The following EXOC2 variants were observed in gnomAD, a reference collection of about 807,000 sequenced individuals.
EXOC2 encodes SEC5-like 1.
Under a neutral mutation model 131.8 loss-of-function variants are expected in EXOC2, and 70 were observed. The ratio of observed to expected loss-of-function variants is 0.53; its 90% CI spans 0.44 to 0.65. The LOEUF is 0.65. EXOC2 is among the 30% of genes least tolerant of loss of function. EXOC2 has a pLI of 0.00. For synonymous variants in EXOC2, 411 were observed against 398.4 expected, an observed-to-expected ratio of 1.03 and a Z score of -0.38; for missense variants, 923 against 1,108.6, an observed-to-expected ratio of 0.83 and a Z score of 2.38.
rs531563336 is a variant in EXOC2, at chr6:494,988, C to G, written c.2559+2379G>C. On this transcript the variant is annotated intron_variant, in intron 25 of 27. Coordinates refer to ENST00000230449, the MANE Select transcript of EXOC2 (RefSeq NM_018303.6). ...TGACTTCCTGGGCTCAAGCAAGCCTCCCACCTTAGCCTCCCAAACAGCTGG... is the reference window on the plus strand; with the variant it reads ...TGACTTCCTGGGCTCAAGCAAGCCTGCCACCTTAGCCTCCCAAACAGCTGG... Among the ~76,000 whole-genome samples, 60 of 152,254 alleles carry G rather than the reference C, an allele frequency of 3.9e-4. 2 individuals carry two copies. The highest frequency in any genetic ancestry group is 3.1e-4 in the Non-Finnish European group (21 of 68,014).
chr6:531,789 C>T (rs1168367586), intron 23 of EXOC2, among the ~76,000 whole-genome samples: 1 of 152,250 alleles, frequency 6.6e-6, no homozygotes, highest in Non-Finnish European at 1.5e-5. Context: ...TAAACTACTT[C>T]TCTACAAAAG....
intron 19 of EXOC2, 45 bp from the exon 20 acceptor site, chr6:555,333 C>T: frequency 8.0e-7 from 1 of 1,246,792 alleles, no homozygotes. Context: ...GAATGAACTC[C>T]TAGACATTAA....
intron 1 of EXOC2, chr6:656,090 T>C (rs372073009): frequency 1.5e-5 from 23 of 1,556,424 alleles, no homozygotes; most frequent in Non-Finnish European, 1.9e-5. Context: ...AAAAAAAAAA[T>C]CTAAGCTGGC....
At chr6:544,594 T>G (rs1008003643) in intron 22 of EXOC2, among the ~76,000 whole-genome samples, 1 of 152,206 alleles carries the variant, frequency 6.6e-6, no homozygotes, top group African/African-American at 2.4e-5. Flanking sequence ...CACATATATA[T>G]AGAGATAATA....
At position 486,625 on chromosome 6, in the gene EXOC2, T is replaced by C; in HGVS notation, c.*46A>G. Reference sequence around the variant, plus strand: ...TTTAGGGTACTTAGAGAGTGAACAGTCTTATTACGTGTTATTTTCCTGGAC... The same window carrying C: ...TTTAGGGTACTTAGAGAGTGAACAGCCTTATTACGTGTTATTTTCCTGGAC... On this transcript the variant is annotated 3_prime_UTR_variant, in exon 28 of 28. Coordinates refer to ENST00000230449, the MANE Select transcript of EXOC2 (RefSeq NM_018303.6). 4.7e-6 allele frequency: 7 copies of C among 1,500,818 alleles called. No individual in the cohort carries two copies. The highest frequency in any genetic ancestry group is 6.5e-6 in the Non-Finnish European group (7 of 1,076,958). 93.0% of individuals were successfully genotyped at this position (1,500,818 alleles called of 1,614,324 possible).
At chr6:496,819 T>C (rs1763771068) in intron 25 of EXOC2, among the ~76,000 whole-genome samples, 1 of 152,224 alleles carries the variant, frequency 6.6e-6, no homozygotes, top group Admixed American at 6.5e-5. Flanking sequence ...GGCACTGCTT[T>C]TTGAAACTCA....
In EXOC2 at chr6:639,704, A is replaced by G. The variant is rs1171280337; in HGVS notation, c.-43-1843T>C. Among the ~76,000 whole-genome samples the G allele has an allele frequency of 2.0e-5, 3 of 152,170 alleles. No individual in the cohort carries two copies. In the East Asian group the frequency reaches 5.8e-4, roughly 29 times the overall value. On this transcript the variant is annotated intron_variant, in intron 1 of 27. Transcript: ENST00000230449. Reference sequence around the variant, plus strand: ...GCCACTCACTGTAAACTGCCCACACACAAACTCAATCAAATCAGCGGTTAA... The same window carrying G: ...GCCACTCACTGTAAACTGCCCACACGCAAACTCAATCAAATCAGCGGTTAA...
chr6:493,559 A>T (rs1278540511), intron 25 of EXOC2, among the ~76,000 whole-genome samples: 1 of 152,240 alleles, frequency 6.6e-6, no homozygotes, highest in African/African-American at 2.4e-5. Flanking sequence ...CAAAACTGTA[A>T]TCCAGAAAAC....
At chr6:591,918 C>A (rs1759562064) in intron 11 of EXOC2, among the ~76,000 whole-genome samples, 2 of 152,200 alleles carry the variant, frequency 1.3e-5, no homozygotes, top group African/African-American at 2.4e-5. Context: ...ACCTTTTATC[C>A]TTCCAGTTCT....
intron 11 of EXOC2, among the ~76,000 whole-genome samples, chr6:591,046 C>T (rs1171609397): frequency 6.6e-6 from 1 of 152,266 alleles, no homozygotes; most frequent in Admixed American, 6.5e-5. Flanking sequence ...TCATCCCTTC[C>T]TCCTCTTCAT....
chr6:690,987 T>C (rs963320237), intron 1 of EXOC2, among the ~76,000 whole-genome samples: 1 of 152,134 alleles, frequency 6.6e-6, no homozygotes, highest in East Asian at 1.9e-4. Context: ...ATCCATTCAA[T>C]AAACATTTAA....
chr6:648,239 C>T (rs1762669908), intron 1 of EXOC2, among the ~76,000 whole-genome samples: 1 of 152,114 alleles, frequency 6.6e-6, no homozygotes, highest in Admixed American at 6.6e-5. Flanking sequence ...TAAAAACATA[C>T]TACAAGATAG....
intron 21 of EXOC2, among the ~76,000 whole-genome samples, chr6:551,032 A>C (rs1292202990): frequency 6.6e-6 from 1 of 152,244 alleles, no homozygotes; most frequent in African/African-American, 2.4e-5. Flanking sequence ...AAATGTAATC[A>C]TTCAGATGCA....
intron 17 of EXOC2, among the ~76,000 whole-genome samples, chr6:559,171 G>C (rs1757575702): frequency 6.6e-6 from 1 of 152,112 alleles, no homozygotes; most frequent in South Asian, 2.1e-4. Flanking sequence ...TTGAAAAGAG[G>C]CAGAAACCAT....
At chr6:672,078 C>T (rs1055805597) in intron 1 of EXOC2, among the ~76,000 whole-genome samples, 5 of 152,024 alleles carry the variant, frequency 3.3e-5, no homozygotes, top group African/African-American at 1.2e-4. Flanking sequence ...ATACATTATA[C>T]TTTGTGTAAC....
chr6:577,041 C>T (rs1258190754), intron 11 of EXOC2, among the ~76,000 whole-genome samples, 159 bp from the exon 12 acceptor site: 1 of 152,152 alleles, frequency 6.6e-6, no homozygotes, highest in East Asian at 1.9e-4. Context: ...TTTCTCTAAA[C>T]AGATTTTAAA....
intron 3 of EXOC2, 89 bp downstream of exon 3, chr6:632,852 A>G (rs1324676387): frequency 1.6e-6 from 2 of 1,243,188 alleles, no homozygotes; most frequent in African/African-American, 3.0e-5. Context: ...GCAAGTAGGT[A>G]GGTTTTACAC....
chr6:618,865 A>G (rs1761143567), intron 5 of EXOC2, among the ~76,000 whole-genome samples: 1 of 152,234 alleles, frequency 6.6e-6, no homozygotes, highest in Non-Finnish European at 1.5e-5. Flanking sequence ...TTTTTGCTGA[A>G]TATAATTATT....
chr6:562,269 G>A (rs1392673479), intron 17 of EXOC2, among the ~76,000 whole-genome samples: 8 of 152,184 alleles, frequency 5.3e-5, no homozygotes, highest in African/African-American at 1.4e-4. Flanking sequence ...AGGGGCACCC[G>A]TGAGACAAGT....
Sources: allele counts gnomAD v4.1 joint callset (sites outside exome capture counted in the v4.1 genomes callset), GRCh38; gene constraint gnomAD v4.1.1; transcripts MANE v1.5; gene names NCBI Gene and HGNC (gene_info 2026-07-23, HGNC 2026-07-21).